CADM1: variants seen among roughly 807,000 people sequenced by gnomAD.
The protein encoded by CADM1 is TSLC-1.
In CADM1, 15 loss-of-function variants were observed where a neutral mutation model predicts 53.1. The observed-to-expected ratio is 0.28, with a 90% CI of 0.19 to 0.44. The LOEUF (loss-of-function observed/expected upper bound fraction) is 0.44. Among genes scored for constraint, CADM1 ranks in the 20% least tolerant of loss-of-function variants. The pLI is 1.00. For missense variants in CADM1, 434 were observed against 611.3 expected (o/e 0.71, Z 3.06); for synonymous variants, 281 against 243.0 (o/e 1.16, Z -1.45).
At chr11:115,420,235 G>A (rs1054609319) in intron 1 of CADM1, among the ~76,000 whole-genome samples, 24 of 152,226 alleles carry the variant, frequency 1.6e-4, no homozygotes, top group Admixed American at 8.5e-4. Flanking sequence ...AAGGAAAGAC[G>A]TGTCCACACA....
intron 1 of CADM1, among the ~76,000 whole-genome samples, chr11:115,411,273 TGTGTC>T: frequency 6.6e-6 from 1 of 152,326 alleles, no homozygotes; most frequent in East Asian, 1.9e-4. Flanking sequence ...ACAAACTGTT[TGTGTC>T]AAGAAGAACA....
intron 9 of CADM1, among the ~76,000 whole-genome samples, chr11:115,192,580 G>A (rs1276819804): frequency 6.6e-6 from 1 of 152,126 alleles, no homozygotes; most frequent in Non-Finnish European, 1.5e-5. Context: ...TTATAAATTT[G>A]CAGTTCTCAG....
At chr11:115,348,259 A>G (rs1007994010) in intron 1 of CADM1, among the ~76,000 whole-genome samples, 6 of 152,222 alleles carry the variant, frequency 3.9e-5, no homozygotes, top group East Asian at 1.9e-4. Flanking sequence ...AAAGATTACT[A>G]TAAGAAGTTT....
At chr11:115,185,623 G>T (rs1393523985) in intron 10 of CADM1, among the ~76,000 whole-genome samples, 5 of 152,194 alleles carry the variant, frequency 3.3e-5, no homozygotes, top group Non-Finnish European at 7.3e-5. Flanking sequence ...CAGGATGCAA[G>T]ATTTCTCCCA....
At chr11:115,281,026 T>A (rs1353066421) in intron 1 of CADM1, among the ~76,000 whole-genome samples, 1 of 152,234 alleles carries the variant, frequency 6.6e-6, no homozygotes, top group East Asian at 1.9e-4. Context: ...CTATGGCCCC[T>A]CTGGCCTTGA....
chr11:115,456,812 G>A (rs890027093), intron 1 of CADM1, among the ~76,000 whole-genome samples: 1 of 152,108 alleles, frequency 6.6e-6, no homozygotes, highest in Non-Finnish European at 1.5e-5. Flanking sequence ...CCATATCAAT[G>A]TAATATTTCC....
intron 11 of CADM1, among the ~76,000 whole-genome samples, chr11:115,177,665 T>C (rs543331355): frequency 2.6e-5 from 4 of 151,310 alleles, no homozygotes; most frequent in African/African-American, 9.7e-5. Context: ...CCTTACCTCC[T>C]GTCTCTGTCA....
At chr11:115,249,697 T>C (rs1386982664) in intron 1 of CADM1, among the ~76,000 whole-genome samples, 1 of 152,190 alleles carries the variant, frequency 6.6e-6, no homozygotes, top group Non-Finnish European at 1.5e-5. Context: ...CCAAACTACT[T>C]ATTATATATA....
intron 1 of CADM1, among the ~76,000 whole-genome samples, chr11:115,403,247 T>C (rs1473571280): frequency 6.6e-6 from 1 of 151,426 alleles, no homozygotes; most frequent in Non-Finnish European, 1.5e-5. Context: ...TCAAAATATC[T>C]GGCCAGTACT....
intron 1 of CADM1, among the ~76,000 whole-genome samples, chr11:115,486,511 A>AT (rs921415816): frequency 2.0e-5 from 3 of 151,476 alleles, no homozygotes; most frequent in Non-Finnish European, 2.9e-5. Flanking sequence ...CCACCGGGCA[A>AT]TTTTTTTATT....
At chr11:115,183,802 C>A (rs920490713) in intron 10 of CADM1, among the ~76,000 whole-genome samples, 1 of 152,102 alleles carries the variant, frequency 6.6e-6, no homozygotes, top group Non-Finnish European at 1.5e-5. Context: ...TACCTCAGCT[C>A]TCATTTTTAC....
At chr11:115,232,007 T>TAACAACAAC (rs1160314850) in intron 3 of CADM1, among the ~76,000 whole-genome samples, 3 of 90,590 alleles carry the variant, frequency 3.3e-5, no homozygotes, top group Admixed American at 2.2e-4. Context: ...ATAATAATAA[T>TAACAACAAC]AATAATAACA....
intron 1 of CADM1, among the ~76,000 whole-genome samples, chr11:115,442,497 C>A (rs1384253982): frequency 1.3e-5 from 2 of 152,110 alleles, no homozygotes; most frequent in East Asian, 1.9e-4. Flanking sequence ...GTACATTAGC[C>A]AAATCCGAGA....
intron 3 of CADM1, among the ~76,000 whole-genome samples, chr11:115,238,107 C>T (rs1237443180): frequency 2.6e-5 from 4 of 152,148 alleles, no homozygotes; most frequent in African/African-American, 9.7e-5. Flanking sequence ...AAAATCATTA[C>T]GTGGATTTCA....
intron 10 of CADM1, chr11:115,190,516 G>T: frequency 6.1e-6 from 1 of 164,214 alleles, no homozygotes; most frequent in Non-Finnish European, 1.3e-5. Flanking sequence ...TTTTAAAAAA[G>T]ATCTTGTCAC....
chr11:115,339,546 G>A lies in CADM1; in HGVS notation c.125-99126C>T, dbSNP rs11215501. Among the ~76,000 whole-genome samples the A allele has an allele frequency of 3.3e-4, 50 of 152,164 alleles. No homozygotes were observed. In the South Asian group the frequency reaches 0.01, roughly 31 times the overall value. On this transcript the variant is annotated intron_variant, in intron 1 of 11. Transcript: ENST00000331581. ...ACAAATGTAATCATAACTTCATGGA[G>A]CTTTTCTCATACCTGCTTCATAGAG...
chr11:115,280,723 G>A (rs1445809638), intron 1 of CADM1, among the ~76,000 whole-genome samples: 1 of 152,212 alleles, frequency 6.6e-6, no homozygotes. Context: ...ATTAAACAAG[G>A]CAGTCTGTTC....
intron 1 of CADM1, among the ~76,000 whole-genome samples, chr11:115,353,858 C>A (rs1945797068): frequency 6.6e-6 from 1 of 152,102 alleles, no homozygotes; most frequent in Non-Finnish European, 1.5e-5. Context: ...CAATTCCTAA[C>A]AATCAGGAAC....
intron 1 of CADM1, among the ~76,000 whole-genome samples, chr11:115,260,696 G>T (rs965374618): frequency 1.3e-5 from 2 of 151,370 alleles, no homozygotes; most frequent in Non-Finnish European, 2.9e-5. Context: ...TTTTTCAGAC[G>T]GGGTCTCGCT....
Sources: allele counts gnomAD v4.1 joint callset (sites outside exome capture counted in the v4.1 genomes callset), GRCh38; gene constraint gnomAD v4.1.1; transcripts MANE v1.5; gene names NCBI Gene and HGNC (gene_info 2026-07-23, HGNC 2026-07-21).